ABLIM1: variants seen among roughly 807,000 people sequenced by gnomAD.
The protein encoded by ABLIM1 is actin-binding LIM protein 1.
A neutral mutation model predicts 107.0 loss-of-function variants in ABLIM1; 40 were observed. That is an observed-to-expected ratio of 0.37 (90% CI 0.29 to 0.49). The LOEUF is 0.49. Ranked by LOEUF, ABLIM1 falls within the 20% of genes least tolerant of loss-of-function variation. The pLI, the probability that ABLIM1 is intolerant of heterozygous loss-of-function variation, is 0.97. For synonymous variants in ABLIM1, 357 were observed against 357.3 expected, an observed-to-expected ratio of 1.00 and a Z score of 0.01; for missense variants, 857 against 1,008.5, an observed-to-expected ratio of 0.85 and a Z score of 2.04.
At chr10:114,520,685 C>T (rs777562180) in intron 6 of ABLIM1, among the ~76,000 whole-genome samples, 11 of 151,934 alleles carry the variant, frequency 7.2e-5, no homozygotes, top group African/African-American at 2.2e-4. Flanking sequence ...AGAAAAATGA[C>T]GTAGGCTGGG....
intron 6 of ABLIM1, among the ~76,000 whole-genome samples, chr10:114,503,678 C>A (rs2060740808): frequency 6.6e-6 from 1 of 151,984 alleles, no homozygotes; most frequent in Non-Finnish European, 1.5e-5. Flanking sequence ...CAATTTTAAT[C>A]CAAGAGGAAT....
chr10:114,746,319 T>C (rs901078031), intron 1 of ABLIM1, among the ~76,000 whole-genome samples: 4 of 152,228 alleles, frequency 2.6e-5, no homozygotes, highest in African/African-American at 9.6e-5. Context: ...AGATTCCACA[T>C]ATAAGCAGGA....
chr10:114,611,662 A>G (rs1168120887), intron 1 of ABLIM1, among the ~76,000 whole-genome samples: 1 of 152,166 alleles, frequency 6.6e-6, no homozygotes, highest in Non-Finnish European at 1.5e-5. Context: ...AGGTACTAGG[A>G]TTATCATAAT....
At chr10:114,651,473 G>T (rs1185330365) in intron 1 of ABLIM1, among the ~76,000 whole-genome samples, 2 of 152,192 alleles carry the variant, frequency 1.3e-5, no homozygotes, top group Admixed American at 1.3e-4. Context: ...GTGCCAGGCA[G>T]CAGAATTGCA....
rs1041569134 is a variant in ABLIM1 at position 114,690,146 on chromosome 10, T to C, written c.-213+77915A>G. The C allele has an allele frequency of 9.6e-6, 13 of 1,358,420 alleles. No individual in the cohort carries two copies. The African/African-American group carries it at 1.0e-4, about 10-fold the overall frequency. 84.1% of individuals were successfully genotyped at this position (1,358,420 alleles called of 1,614,324 possible). On this transcript the variant is annotated intron_variant, in intron 1 of 15. Coordinates refer to the ABLIM1 transcript ENST00000651092. ...TAAGATAAAACACAAGTCAAACTTA[T>C]TCAAGTTGTCCACAGTCAGCAATGG... is the stretch of plus-strand genomic sequence containing the variant.
chr10:114,685,665 T>TCAACAAA, upstream of ABLIM1, among the ~76,000 whole-genome samples: 1 of 152,328 alleles, frequency 6.6e-6, no homozygotes, highest in East Asian at 1.9e-4. Flanking sequence ...ACAACTGGAT[T>TCAACAAA]GCTCGTTGAT....
upstream of ABLIM1, among the ~76,000 whole-genome samples, chr10:114,771,587 C>T (rs551485144): frequency 5.9e-5 from 9 of 152,326 alleles, no homozygotes; most frequent in Non-Finnish European, 8.8e-5. Context: ...TCTCAGAAAT[C>T]TGAAACCAAT....
intron 8 of ABLIM1, among the ~76,000 whole-genome samples, chr10:114,482,337 G>C (rs1318842361): frequency 2.6e-5 from 4 of 152,142 alleles, no homozygotes; most frequent in Non-Finnish European, 2.9e-5. Context: ...TAACAAAAAT[G>C]ACTTTCCTGC....
chr10:114,649,850 CCT>C (rs1417773381), intron 1 of ABLIM1, among the ~76,000 whole-genome samples: 2 of 113,312 alleles, frequency 1.8e-5, no homozygotes, highest in African/African-American at 7.8e-5. Flanking sequence ...CCATATCCCC[CCT>C]CTTTTTTTTC....
chr10:114,484,123 C>G (rs1003003897), intron 8 of ABLIM1, among the ~76,000 whole-genome samples: 2 of 152,160 alleles, frequency 1.3e-5, no homozygotes, highest in African/African-American at 2.4e-5. Flanking sequence ...TCACTGTCCC[C>G]TTGCAGTATA....
the ABLIM1 span, among the ~76,000 whole-genome samples, chr10:114,800,583 C>G: frequency 6.6e-6 from 1 of 152,124 alleles, no homozygotes; most frequent in South Asian, 2.1e-4. Context: ...ATACAGTTGA[C>G]CCGTGAACAA....
intron 1 of ABLIM1, chr10:114,768,031 G>A (rs773747124): frequency 1.1e-4 from 48 of 428,980 alleles, no homozygotes; most frequent in African/African-American, 9.4e-4. Flanking sequence ...GCCGGGGTCA[G>A]TGGACGGTGC....
intron 1 of ABLIM1, among the ~76,000 whole-genome samples, chr10:114,622,966 T>C (rs1194232853): frequency 6.6e-6 from 1 of 152,184 alleles, no homozygotes; most frequent in East Asian, 1.9e-4. Context: ...TTTCCCTTTT[T>C]TTCGTTTGTT....
chr10:114,753,075 G>A (rs1374549000), intron 1 of ABLIM1, among the ~76,000 whole-genome samples: 1 of 152,130 alleles, frequency 6.6e-6, no homozygotes, highest in Non-Finnish European at 1.5e-5. Flanking sequence ...CCTGTAACAG[G>A]CAATGAGGTT....
In ABLIM1 at chr10:114,472,973, T is replaced by G; in HGVS notation, c.1275+4A>C. 2 of 1,576,810 alleles carry G rather than the reference T, an allele frequency of 1.3e-6. No individual in the cohort carries two copies. The highest frequency in any genetic ancestry group is 1.7e-6 in the Non-Finnish European group (2 of 1,159,904). ...ACAACTCACAACCAGTAGGAATGTA[T>G]TACCTCTCCAAGGCTCTGTCTCTCC... On this transcript the variant is annotated splice_donor_region_variant and intron_variant, in intron 10 of 22. Coordinates refer to ENST00000533213, the MANE Select transcript of ABLIM1 (RefSeq NM_002313.7).
intron 1 of ABLIM1, among the ~76,000 whole-genome samples, chr10:114,726,179 T>TTTC (rs3086043): frequency 0.51 from 77,739 of 151,824 alleles, 20,746 homozygotes; most frequent in South Asian, 0.59. Flanking sequence ...GGTTTAGAAA[T>TTTC]TTGTTGTTGT....
chr10:114,769,922 C>A (rs976901285), upstream of ABLIM1, among the ~76,000 whole-genome samples: 2 of 152,180 alleles, frequency 1.3e-5, no homozygotes, highest in African/African-American at 4.8e-5. Context: ...CAGTGAATCA[C>A]AATTCAGTTG....
rs773251101 is a variant in ABLIM1 at position 114,570,953 on chromosome 10, A to G, written c.673+344T>C. On this transcript the variant is annotated intron_variant, in intron 4 of 22. Transcript: ENST00000533213. ...CTCCATGCTGTTTTCCATGATGCCT[A>G]CGTCAAGAATCTACATTCCTACCAA... is the stretch of plus-strand genomic sequence containing the variant. 3.1e-4 allele frequency among the ~76,000 whole-genome samples: 47 copies of G among 152,112 alleles called. 2 individuals are homozygous for G. Among genetic ancestry groups the G allele is most frequent in the Admixed American group, 2.2e-3 (33 of 15,276 alleles).
intron 1 of ABLIM1, among the ~76,000 whole-genome samples, chr10:114,656,218 C>A (rs754989606): frequency 2.9e-5 from 4 of 139,564 alleles, no homozygotes; most frequent in South Asian, 2.2e-4. Context: ...TGCAGTGAGC[C>A]GAGATCACGC....
Sources: allele counts gnomAD v4.1 joint callset (sites outside exome capture counted in the v4.1 genomes callset), GRCh38; gene constraint gnomAD v4.1.1; transcripts MANE v1.5; gene names NCBI Gene and HGNC (gene_info 2026-07-23, HGNC 2026-07-21).